CACNA2D4: variants seen among roughly 807,000 people sequenced by gnomAD.
CACNA2D4 encodes the protein voltage-dependent calcium channel subunit alpha-2/delta-4.
A neutral mutation model predicts 163.8 loss-of-function variants in CACNA2D4; 157 were observed. That is an observed-to-expected ratio of 0.96 (90% confidence interval 0.84 to 1.09). The LOEUF (loss-of-function observed/expected upper bound fraction) is 1.09, where lower values mean the gene tolerates loss of function less well. CACNA2D4 is among the 50% of genes least tolerant of loss of function. The pLI is 0.00. For missense variants in CACNA2D4, 1,410 were observed against 1,479.9 expected (o/e 0.95, Z 0.78); for synonymous variants, 598 against 586.9 (o/e 1.02, Z -0.27).
At chr12:1,796,283 C>T (rs185657909) in intron 35 of CACNA2D4, among the ~76,000 whole-genome samples, 23 of 152,368 alleles carry the variant, frequency 1.5e-4, no homozygotes, top group African/African-American at 4.8e-4. Flanking sequence ...ACGGCCTTCC[C>T]AGCAGTCCCA....
intron 26 of CACNA2D4, 124 bp from the exon 27 acceptor site, chr12:1,811,847 G>C: frequency 1.1e-6 from 1 of 913,058 alleles, no homozygotes. Context: ...CGGATGGGAG[G>C]ACTGAGTCAG....
chr12:1,793,575 T>C lies in CACNA2D4; in HGVS notation c.*80A>G. On this transcript the variant is annotated 3_prime_UTR_variant, in exon 38 of 38. Transcript: ENST00000382722. The stretch of plus-strand genomic sequence containing the variant: ...TGGGGGCGACCCAACTGCAGTTAGC[T>C]GCATCCCATGTCAGTGCTGACTTTT... 2 of 1,272,158 alleles carry C rather than the reference T, an allele frequency of 1.6e-6. No homozygotes were observed. Among genetic ancestry groups the C allele is most frequent in the East Asian group, 2.3e-5 (1 of 43,044 alleles). 78.8% of individuals were successfully genotyped at this position (1,272,158 alleles called of 1,614,324 possible).
Position 1,800,736 on chromosome 12 carries a change from C to A in CACNA2D4, c.2869-298G>T, listed in dbSNP as rs560620883. On this transcript the variant is annotated intron_variant, in intron 31 of 37. Coordinates refer to ENST00000382722, the MANE Select transcript of CACNA2D4 (RefSeq NM_172364.5). ...ATCCTGGTGCTGCACTGCTGAGGAT[C>A]CCTGGTGATCAAGCGGCAGTGTCAG... 111 of 591,752 alleles carry A rather than the reference C, an allele frequency of 1.9e-4. No individual in the cohort carries two copies. In the South Asian group the frequency reaches 2.2e-3, roughly 12 times the overall value. 36.7% of individuals were successfully genotyped at this position (591,752 alleles called of 1,614,324 possible).
chr12:1,864,015 G>C (rs920618590), intron 18 of CACNA2D4, among the ~76,000 whole-genome samples: 3 of 152,230 alleles, frequency 2.0e-5, no homozygotes, highest in African/African-American at 7.2e-5. Flanking sequence ...GAACGTGGCC[G>C]CCAGCCGTGA....
intron 6 of CACNA2D4, among the ~76,000 whole-genome samples, chr12:1,895,948 C>G (rs1866391590): frequency 6.6e-6 from 1 of 152,074 alleles, no homozygotes; most frequent in Non-Finnish European, 1.5e-5. Flanking sequence ...CTCAAGCCAG[C>G]TAATTTTCAA....
chr12:1,908,028 A>C lies in CACNA2D4; in HGVS notation c.496T>G (p.Tyr166Asp), dbSNP rs200408171. ...EFNESLVFDY[Y>D]NSVLINERDE... Reference sequence around the variant, plus strand: ...CTCTCGTTGATCAGGACCGAGTTGTAATAGTCGAACTGGGGTGGACGGGTG... The same window carrying C: ...CTCTCGTTGATCAGGACCGAGTTGTCATAGTCGAACTGGGGTGGACGGGTG... Residue 166 changes from tyrosine to aspartate, a missense_variant, in exon 5 of 38, where the codon TAC (tyrosine) becomes GAC (aspartate). Physicochemically the swap from Tyr to Asp is radical, Grantham distance 160. Coordinates refer to ENST00000382722, the MANE Select transcript of CACNA2D4 (RefSeq NM_172364.5). 7.4e-6 allele frequency: 12 copies of C among 1,612,476 alleles called. No individual in the cohort carries two copies. Among genetic ancestry groups the C allele is most frequent in the Non-Finnish European group, 1.0e-5 (12 of 1,178,868 alleles).
At chr12:1,850,740 T>TA (rs1865258921) in intron 23 of CACNA2D4, among the ~76,000 whole-genome samples, 1 of 152,042 alleles carries the variant, frequency 6.6e-6, no homozygotes, top group African/African-American at 2.4e-5. Context: ...CCGTCTCTAC[T>TA]AAAAATACAA....
chr12:1,854,913 G>C (rs952689066), intron 22 of CACNA2D4, among the ~76,000 whole-genome samples: 1 of 152,088 alleles, frequency 6.6e-6, no homozygotes, highest in Non-Finnish European at 1.5e-5. Context: ...TTCAGTCAGC[G>C]GCATTTAGTA....
Position 1,856,901 on chromosome 12 carries a change from C to T in CACNA2D4, c.2009-672G>A, listed in dbSNP as rs182631984. On this transcript the variant is annotated intron_variant, in intron 20 of 37. Coordinates refer to ENST00000382722, the MANE Select transcript of CACNA2D4 (RefSeq NM_172364.5). ...AAGGCCAGTGGGGCATCTGTGGAGC[C>T]TCACAAGGGCTGCTGCTCTGATGTA... Among the ~76,000 whole-genome samples, 1,360 of 152,302 alleles carry T rather than the reference C, an allele frequency of 8.9e-3. 13 individuals are homozygous for T. The highest frequency in any genetic ancestry group is 0.013 in the Non-Finnish European group (894 of 68,038).
At chr12:1,840,157 T>C (rs537753821) in intron 26 of CACNA2D4, among the ~76,000 whole-genome samples, 1 of 152,304 alleles carries the variant, frequency 6.6e-6, no homozygotes, top group Admixed American at 6.5e-5. Context: ...ATTTCAGCGC[T>C]GCTGGTCTTC....
At chr12:1,860,315 G>A (rs1318079197) in intron 18 of CACNA2D4, 109 bp from the exon 19 acceptor site, 7 of 773,572 alleles carry the variant, frequency 9.0e-6, no homozygotes, top group East Asian at 5.3e-5. Context: ...CAGTCCCTCC[G>A]CCTTCTTGTC....
At chr12:1,911,175 C>G (rs1039041012) in intron 3 of CACNA2D4, among the ~76,000 whole-genome samples, 1 of 151,982 alleles carries the variant, frequency 6.6e-6, no homozygotes, top group East Asian at 1.9e-4. Context: ...AGGCACCCAC[C>G]ACCATACCCA....
At chr12:1,804,682 G>C (rs1430253229) in intron 29 of CACNA2D4, among the ~76,000 whole-genome samples, 1 of 152,252 alleles carries the variant, frequency 6.6e-6, no homozygotes, top group Non-Finnish European at 1.5e-5. Context: ...CCAATGGAAT[G>C]TGAGCAGAGC....
At chr12:1,859,508 T>C (rs1177471220) in intron 19 of CACNA2D4, among the ~76,000 whole-genome samples, 4 of 152,224 alleles carry the variant, frequency 2.6e-5, no homozygotes, top group Admixed American at 6.5e-5. Context: ...ATCTGCCTAA[T>C]ACCTAGAGCC....
In CACNA2D4 at chr12:1,870,648, A is replaced by T. The variant is rs116682294; in HGVS notation, c.1878+3956T>A. 6.6e-5 allele frequency among the ~76,000 whole-genome samples: 10 copies of T among 151,860 alleles called. 1 individual carries two copies. Among genetic ancestry groups the T allele is most frequent in the African/African-American group, 1.9e-4 (8 of 41,288 alleles). On this transcript the variant is annotated intron_variant, in intron 18 of 37. Transcript: ENST00000382722. ...GTTTTTTGTATTTTGTTCAGAGTTTATAATTGTTATCTGCTGAAGGGTGAG... is the reference window on the plus strand; with the variant it reads ...GTTTTTTGTATTTTGTTCAGAGTTTTTAATTGTTATCTGCTGAAGGGTGAG...
intron 6 of CACNA2D4, among the ~76,000 whole-genome samples, chr12:1,902,997 G>C (rs780047940): frequency 6.6e-6 from 1 of 152,050 alleles, no homozygotes; most frequent in African/African-American, 2.4e-5. Flanking sequence ...AAACAGCATG[G>C]CACTGGCATA....
At chr12:1,884,374 A>G (rs1866083339) in intron 11 of CACNA2D4, 53 bp from the exon 12 acceptor site, 6 of 1,423,788 alleles carry the variant, frequency 4.2e-6, no homozygotes, top group Non-Finnish European at 5.9e-6. Context: ...GCCATAAGTA[A>G]TGTTAACATT....
At chr12:1,895,821 A>G (rs1335047833) in intron 6 of CACNA2D4, among the ~76,000 whole-genome samples, 1 of 151,938 alleles carries the variant, frequency 6.6e-6, no homozygotes, top group Non-Finnish European at 1.5e-5. Flanking sequence ...AATTTTTTGT[A>G]GAGATAGGGG....
chr12:1,810,733 G>A, intron 27 of CACNA2D4, 146 bp from the exon 28 acceptor site: 1 of 785,664 alleles, frequency 1.3e-6, no homozygotes. Context: ...GGGCACCTGT[G>A]TGGGGTGTGG....
Sources: gnomAD v4.1 joint callset for allele counts (sites outside exome capture counted in the v4.1 genomes callset) on GRCh38, gnomAD v4.1.1 for gene constraint, MANE v1.5 for transcripts, NCBI Gene and HGNC (gene_info 2026-07-23, HGNC 2026-07-21) for gene names.